Variants in SLC35F4 observed in about 807,000 individuals in gnomAD.
The protein encoded by SLC35F4 is solute carrier family 35 member F4.
Under a neutral mutation model 44.2 loss-of-function variants are expected in SLC35F4, and 24 were observed. That is an observed-to-expected ratio of 0.54 (90% CI 0.39 to 0.76). SLC35F4 has a LOEUF of 0.76. Among genes scored for constraint, SLC35F4 ranks in the 30% least tolerant of loss-of-function variants. The probability of loss-of-function intolerance (pLI) is 0.00; values close to 1 mark genes in which losing one functional copy is unlikely to be tolerated. For missense variants in SLC35F4, 562 were observed against 586.1 expected (o/e 0.96, Z 0.42); for synonymous variants, 238 against 223.6 (o/e 1.06, Z -0.57).
upstream of SLC35F4, among the ~76,000 whole-genome samples, chr14:57,869,054 T>C (rs747414789): frequency 5.3e-5 from 8 of 152,210 alleles, no homozygotes; most frequent in Admixed American, 1.3e-4. Flanking sequence ...CTTCAGGAAT[T>C]TTTTAATGCA....
At chr14:57,873,353 A>G (rs1005022420) in intron 1 of SLC35F4, among the ~76,000 whole-genome samples, 1 of 152,198 alleles carries the variant, frequency 6.6e-6, no homozygotes, top group Non-Finnish European at 1.5e-5. Flanking sequence ...CCATATTCCT[A>G]TGCCACCCAG....
At chr14:57,735,585 G>A (rs2140488494) in intron 1 of SLC35F4, among the ~76,000 whole-genome samples, 1 of 152,238 alleles carries the variant, frequency 6.6e-6, no homozygotes, top group South Asian at 2.1e-4. Flanking sequence ...ACTGTCTCAG[G>A]GCAATGCCTG....
chr14:57,706,567 T>C (rs1358844504), intron 1 of SLC35F4, among the ~76,000 whole-genome samples: 2 of 152,234 alleles, frequency 1.3e-5, no homozygotes, highest in South Asian at 2.1e-4. Flanking sequence ...CAGATGCTAT[T>C]TGAGCATATA....
intron 1 of SLC35F4, among the ~76,000 whole-genome samples, chr14:57,734,812 A>G (rs112886558): frequency 6.6e-6 from 1 of 152,204 alleles, no homozygotes; most frequent in African/African-American, 2.4e-5. Flanking sequence ...ACCCAGGTCC[A>G]CTGTCATATT....
chr14:57,972,536 C>T (rs1318103149), downstream of SLC35F4, among the ~76,000 whole-genome samples: 7 of 150,618 alleles, frequency 4.6e-5, no homozygotes, highest in Non-Finnish European at 8.9e-5. Flanking sequence ...AAATATCATG[C>T]TGAAGTGGAA....
intron 1 of SLC35F4, among the ~76,000 whole-genome samples, chr14:57,876,326 G>A (rs1888398964): frequency 6.6e-6 from 1 of 152,162 alleles, no homozygotes. Context: ...ACAGAGTGAA[G>A]ATCTGATTGC....
intron 1 of SLC35F4, among the ~76,000 whole-genome samples, chr14:57,772,062 T>G (rs1194814862): frequency 1.3e-5 from 2 of 152,168 alleles, no homozygotes; most frequent in Non-Finnish European, 2.9e-5. Flanking sequence ...CAACTACACA[T>G]CGAAATAGGA....
At chr14:57,882,850 A>C (rs1216374456) in intron 1 of SLC35F4, among the ~76,000 whole-genome samples, 1 of 152,142 alleles carries the variant, frequency 6.6e-6, no homozygotes. Flanking sequence ...GTAATACTGC[A>C]GCTCAACCCA....
At chr14:57,658,092 T>C (rs10483689) in intron 1 of SLC35F4, among the ~76,000 whole-genome samples, 9,231 of 152,212 alleles carry the variant, frequency 0.061, 420 homozygotes, top group South Asian at 0.094. Context: ...GTCAATTGCT[T>C]TTCTCCCTGG....
At chr14:57,954,510 AATAG>A (rs1336879776) in intron 1 of SLC35F4, among the ~76,000 whole-genome samples, 1 of 152,218 alleles carries the variant, frequency 6.6e-6, no homozygotes, top group East Asian at 1.9e-4. Flanking sequence ...AGATTAACAA[AATAG>A]ATAGACCGCC....
chr14:57,860,458 A>G (rs1164330989), intron 1 of SLC35F4, among the ~76,000 whole-genome samples: 1 of 152,184 alleles, frequency 6.6e-6, no homozygotes, highest in African/African-American at 2.4e-5. Context: ...GACCTACTGC[A>G]TGGCTGTTCT....
intron 1 of SLC35F4, among the ~76,000 whole-genome samples, chr14:57,756,282 A>T (rs1566826498): frequency 6.6e-6 from 1 of 151,868 alleles, no homozygotes; most frequent in Non-Finnish European, 1.5e-5. Flanking sequence ...TTTCATTTTC[A>T]TTTCATTCAG....
At chr14:57,596,880 C>T in intron 1 of SLC35F4, 1 of 1,367,374 alleles carries the variant, frequency 7.3e-7, no homozygotes, top group Non-Finnish European at 9.8e-7. Context: ...GGAAGAGATC[C>T]AAGAGTAGTT....
chr14:57,665,343 T>G (rs112888500), intron 1 of SLC35F4, among the ~76,000 whole-genome samples: 1 of 152,200 alleles, frequency 6.6e-6, no homozygotes, highest in Non-Finnish European at 1.5e-5. Flanking sequence ...TTACTTATTG[T>G]GCTAGGCATC....
intron 1 of SLC35F4, among the ~76,000 whole-genome samples, chr14:57,969,835 T>G (rs891307469): frequency 2.0e-5 from 3 of 152,200 alleles, no homozygotes; most frequent in Non-Finnish European, 4.4e-5. Flanking sequence ...AGGCTGACTA[T>G]GAAGTCACTG....
intron 1 of SLC35F4, among the ~76,000 whole-genome samples, chr14:57,669,607 G>A (rs2074443241): frequency 6.6e-6 from 1 of 152,074 alleles, no homozygotes; most frequent in African/African-American, 2.4e-5. Context: ...TTTTGTCATT[G>A]GTTCTGTTTA....
At chr14:57,956,857 T>C (rs1319510510) in intron 1 of SLC35F4, among the ~76,000 whole-genome samples, 1 of 152,184 alleles carries the variant, frequency 6.6e-6, no homozygotes, top group Non-Finnish European at 1.5e-5. Context: ...TGTAAATTAG[T>C]TCAACCATTG....
intron 1 of SLC35F4, among the ~76,000 whole-genome samples, chr14:57,762,196 G>A (rs574406817): frequency 6.6e-6 from 1 of 152,222 alleles, no homozygotes; most frequent in Non-Finnish European, 1.5e-5. Flanking sequence ...AACATGAAAC[G>A]CTGCCTCCCT....
At chr14:57,696,608 C>T (rs1241505402) in intron 1 of SLC35F4, among the ~76,000 whole-genome samples, 4 of 152,212 alleles carry the variant, frequency 2.6e-5, no homozygotes, top group East Asian at 3.8e-4. Context: ...TATAAAGACA[C>T]ATGCACATGT....
Sources: allele counts gnomAD v4.1 joint callset (sites outside exome capture counted in the v4.1 genomes callset), GRCh38; gene constraint gnomAD v4.1.1; transcripts MANE v1.5; gene names NCBI Gene and HGNC (gene_info 2026-07-23, HGNC 2026-07-21).